ADAMTS3: variants seen among roughly 807,000 people sequenced by gnomAD.
ADAMTS3 encodes ADAM metallopeptidase with thrombospondin type 1 motif 3.
Under a neutral mutation model 129.0 loss-of-function variants are expected in ADAMTS3, and 73 were observed. The observed-to-expected ratio is 0.57, with a 90% CI of 0.47 to 0.69. ADAMTS3 has a LOEUF of 0.69. Among genes scored for constraint, ADAMTS3 ranks in the 30% least tolerant of loss-of-function variants. ADAMTS3 has a pLI of 0.00. For missense variants in ADAMTS3, 1,457 were observed against 1,514.5 expected (o/e 0.96, Z 0.63); for synonymous variants, 477 against 510.8 (o/e 0.93, Z 0.89).
chr4:72,420,270 C>T (rs1479619357), intron 3 of ADAMTS3, among the ~76,000 whole-genome samples: 1 of 152,170 alleles, frequency 6.6e-6, no homozygotes, highest in African/African-American at 2.4e-5. Context: ...TCACTCTCTT[C>T]CTTGCTGGCT....
At chr4:72,374,834 T>C (rs999858533) in intron 4 of ADAMTS3, among the ~76,000 whole-genome samples, 1 of 152,208 alleles carries the variant, frequency 6.6e-6, no homozygotes, top group Non-Finnish European at 1.5e-5. Flanking sequence ...ACACCTTTAA[T>C]TCTAGTGACT....
At chr4:72,356,618 T>A (rs1309198606) in intron 4 of ADAMTS3, among the ~76,000 whole-genome samples, 1 of 151,864 alleles carries the variant, frequency 6.6e-6, no homozygotes, top group African/African-American at 2.4e-5. Context: ...TGTTACCATT[T>A]CCAGATAATT....
At chr4:72,298,166 G>T in intron 18 of ADAMTS3, 111 bp downstream of exon 18, 3 of 782,988 alleles carry the variant, frequency 3.8e-6, no homozygotes, top group Non-Finnish European at 5.9e-6. Context: ...TGATGGTTAT[G>T]TTTGGTGTTT....
At chr4:72,530,730 T>C (rs1390078865) in intron 3 of ADAMTS3, among the ~76,000 whole-genome samples, 2 of 55,436 alleles carry the variant, frequency 3.6e-5, no homozygotes, top group African/African-American at 9.9e-5. Context: ...TATTATACAT[T>C]ATATATTATA....
intron 4 of ADAMTS3, among the ~76,000 whole-genome samples, chr4:72,403,560 T>G (rs1721977527): frequency 6.6e-6 from 1 of 152,020 alleles, no homozygotes; most frequent in African/African-American, 2.4e-5. Context: ...TTACTTATGA[T>G]GTCAAAGCTA....
chr4:72,283,095 C>A lies in ADAMTS3; in HGVS notation c.*41G>T, dbSNP rs1253508730. On this transcript the variant is annotated 3_prime_UTR_variant, in exon 22 of 22. Coordinates refer to ENST00000286657, the MANE Select transcript of ADAMTS3 (RefSeq NM_014243.3). ...TGCACCATGGGAAGAGAGAGGTTGTCCAGGTTTTCCTCTGGTTTCTAGCCT... is the reference window on the plus strand; with the variant it reads ...TGCACCATGGGAAGAGAGAGGTTGTACAGGTTTTCCTCTGGTTTCTAGCCT... The A allele has an allele frequency of 3.3e-6, 5 of 1,525,116 alleles. No individual in the cohort carries two copies. Among genetic ancestry groups the A allele is most frequent in the Non-Finnish European group, 3.6e-6 (4 of 1,126,012 alleles). 94.5% of individuals were successfully genotyped at this position (1,525,116 alleles called of 1,614,324 possible).
intron 3 of ADAMTS3, among the ~76,000 whole-genome samples, chr4:72,499,899 A>G (rs1186849250): frequency 2.6e-5 from 4 of 152,074 alleles, no homozygotes; most frequent in Non-Finnish European, 5.9e-5. Context: ...TTCCTGTGTT[A>G]ATTTGTTTAG....
At chr4:72,540,791 T>C (rs1053075042) in intron 3 of ADAMTS3, among the ~76,000 whole-genome samples, 12 of 152,184 alleles carry the variant, frequency 7.9e-5, no homozygotes, top group Non-Finnish European at 7.3e-5. Flanking sequence ...AGACTGCAGG[T>C]GCACAGAAGT....
intron 2 of ADAMTS3, among the ~76,000 whole-genome samples, chr4:72,564,818 A>G (rs10019581): frequency 0.18 from 26,853 of 152,138 alleles, 2,733 homozygotes; most frequent in Middle Eastern, 0.24. Flanking sequence ...GTTGAAGCAT[A>G]TAAGATATAT....
chr4:72,298,975 C>T (rs1051282554), intron 17 of ADAMTS3, among the ~76,000 whole-genome samples: 5 of 149,416 alleles, frequency 3.3e-5, no homozygotes, highest in Non-Finnish European at 4.4e-5. Flanking sequence ...AGAAAGAAAA[C>T]GAAAAATCAT....
intron 12 of ADAMTS3, among the ~76,000 whole-genome samples, chr4:72,312,884 T>G (rs889119201): frequency 2.0e-5 from 3 of 152,200 alleles, no homozygotes; most frequent in East Asian, 1.9e-4. Flanking sequence ...AGGAAAACTG[T>G]GAAGATTAAA....
intron 3 of ADAMTS3, among the ~76,000 whole-genome samples, chr4:72,436,092 G>T (rs1441407185): frequency 6.6e-6 from 1 of 151,858 alleles, no homozygotes; most frequent in Non-Finnish European, 1.5e-5. Context: ...GAAAATTTTT[G>T]CAATCTACCC....
intron 3 of ADAMTS3, among the ~76,000 whole-genome samples, chr4:72,449,305 C>G (rs1282894813): frequency 6.6e-6 from 1 of 151,742 alleles, no homozygotes; most frequent in Non-Finnish European, 1.5e-5. Context: ...ACAGACATCT[C>G]AAACTCTCCA....
At chr4:72,485,160 C>T (rs893748435) in intron 3 of ADAMTS3, among the ~76,000 whole-genome samples, 1 of 151,960 alleles carries the variant, frequency 6.6e-6, no homozygotes, top group Non-Finnish European at 1.5e-5. Context: ...ACAACAAACA[C>T]TAAAACATGG....
intron 4 of ADAMTS3, among the ~76,000 whole-genome samples, chr4:72,406,383 G>C (rs906514940): frequency 2.0e-5 from 3 of 152,162 alleles, no homozygotes; most frequent in Admixed American, 2.0e-4. Flanking sequence ...TAAGATAACG[G>C]AACTACTTTT....
chr4:72,429,965 C>A (rs541601475), intron 3 of ADAMTS3, among the ~76,000 whole-genome samples: 1 of 152,110 alleles, frequency 6.6e-6, no homozygotes, highest in African/African-American at 2.4e-5. Flanking sequence ...ATTCAGTATT[C>A]CTAATAAATG....
intron 4 of ADAMTS3, among the ~76,000 whole-genome samples, chr4:72,374,943 T>C (rs1453859616): frequency 6.6e-6 from 1 of 152,308 alleles, no homozygotes; most frequent in African/African-American, 2.4e-5. Flanking sequence ...ACCTAAGCTG[T>C]ATTGCTTGTA....
chr4:72,294,240 C>A (rs191445947), intron 19 of ADAMTS3, among the ~76,000 whole-genome samples: 18 of 152,060 alleles, frequency 1.2e-4, no homozygotes, highest in Admixed American at 3.3e-4. Flanking sequence ...TATGTGGAAT[C>A]TATAAAAGTG....
At chr4:72,285,769 CA>C (rs5859311) in intron 21 of ADAMTS3, among the ~76,000 whole-genome samples, 9,121 of 93,618 alleles carry the variant, frequency 0.097, 442 homozygotes, top group Admixed American at 0.27. Context: ...AGCTTACAGG[CA>C]AAAAAAAAAA....
Sources: gnomAD v4.1 joint callset for allele counts (sites outside exome capture counted in the v4.1 genomes callset) on GRCh38, gnomAD v4.1.1 for gene constraint, MANE v1.5 for transcripts, NCBI Gene and HGNC (gene_info 2026-07-23, HGNC 2026-07-21) for gene names.